The following DRC10 variants were observed in gnomAD, a reference collection of about 807,000 sequenced individuals.
The protein encoded by DRC10 is IQ domain-containing protein D.
chr12:113,207,876 G>C, the DRC10 span: 26 of 1,614,166 alleles, frequency 1.6e-5, no homozygotes, highest in Non-Finnish European at 2.2e-5. Flanking sequence ...GGACCTGGCA[G>C]AGATCCTCAT....
chr12:113,218,542 A>T, the DRC10 span, among the ~76,000 whole-genome samples: 9 of 152,104 alleles, frequency 5.9e-5, no homozygotes, highest in African/African-American at 2.2e-4. Context: ...CCCCAGGCTC[A>T]GGTGATCCTC....
chr12:113,217,904 C>A, the DRC10 span, among the ~76,000 whole-genome samples: 1 of 152,198 alleles, frequency 6.6e-6, no homozygotes, highest in South Asian at 2.1e-4. Flanking sequence ...TTGCATCTGA[C>A]TTTTTGCTTA....
At chr12:113,200,539 CAGGGG>C in the DRC10 span, 4 of 1,349,156 alleles carry the variant, frequency 3.0e-6, no homozygotes, top group Non-Finnish European at 4.1e-6. Context: ...TCCCCCCCAC[CAGGGG>C]CCCCCTCGGC....
the DRC10 span, chr12:113,202,913 C>T: frequency 1.4e-4 from 51 of 376,116 alleles, no homozygotes; most frequent in Admixed American, 1.7e-4. Context: ...AATCTGTACT[C>T]ATACACCATC....
the DRC10 span, chr12:113,200,592 C>A: frequency 6.5e-7 from 1 of 1,535,716 alleles, no homozygotes; most frequent in Non-Finnish European, 8.7e-7. Flanking sequence ...TCCTCAGCGC[C>A]TGCTCTGCCT....
At chr12:113,205,760 G>A in the DRC10 span, among the ~76,000 whole-genome samples, 4 of 151,072 alleles carry the variant, frequency 2.6e-5, no homozygotes, top group Admixed American at 6.6e-5. Flanking sequence ...GCGGTGGCGG[G>A]CGCCTGTAGT....
the DRC10 span, among the ~76,000 whole-genome samples, chr12:113,205,705 A>C: frequency 8.3e-4 from 110 of 133,208 alleles, no homozygotes; most frequent in East Asian, 2.5e-3. Context: ...CTGGCTAACA[A>C]GGTGAAACCC....
chr12:113,195,881 C>T, the DRC10 span: 2 of 1,605,706 alleles, frequency 1.2e-6, no homozygotes, highest in African/African-American at 1.3e-5. Context: ...CCAGATCCTC[C>T]AACTCCTCCT....
the DRC10 span, chr12:113,207,820 T>C: frequency 1.2e-6 from 2 of 1,614,208 alleles, no homozygotes; most frequent in Admixed American, 3.3e-5. Flanking sequence ...TTTCTGCTCC[T>C]GCAATTGCCT....
chr12:113,203,502 G>C, the DRC10 span, among the ~76,000 whole-genome samples: 1 of 139,476 alleles, frequency 7.2e-6, no homozygotes, highest in East Asian at 2.4e-4. Context: ...TTGAGACAGA[G>C]TCTCACTCTG....
chr12:113,220,127 A>T, the DRC10 span, among the ~76,000 whole-genome samples: 1 of 151,984 alleles, frequency 6.6e-6, no homozygotes, highest in Non-Finnish European at 1.5e-5. Context: ...CCCGGCCCTT[A>T]GCCTCATTTA....
the DRC10 span, among the ~76,000 whole-genome samples, chr12:113,214,507 CA>C: frequency 0.02 from 1,003 of 50,300 alleles, 3 homozygotes; most frequent in African/African-American, 0.052. Context: ...GACTCCGTCT[CA>C]AAAAAAAAAA....
the DRC10 span, chr12:113,208,359 A>T: frequency 7.1e-7 from 1 of 1,404,212 alleles, no homozygotes; most frequent in Non-Finnish European, 9.2e-7. Context: ...AGTTCATCTT[A>T]GGTCCTCTGT....
chr12:113,214,291 C>G, the DRC10 span, among the ~76,000 whole-genome samples: 8 of 151,770 alleles, frequency 5.3e-5, no homozygotes, highest in African/African-American at 7.3e-5. Flanking sequence ...GGTGGATCAC[C>G]TGAGGTCAGG....
At chr12:113,208,147 G>A in the DRC10 span, 2 of 1,613,510 alleles carry the variant, frequency 1.2e-6, no homozygotes, top group Non-Finnish European at 1.7e-6. Flanking sequence ...AGGGGCCATG[G>A]CGAGAATGTC....
chr12:113,206,230 A>G, the DRC10 span: 1 of 152,120 alleles, frequency 6.6e-6, no homozygotes, highest in Non-Finnish European at 1.5e-5. Context: ...AAAAAAAAAA[A>G]AAAAAAGAAA....
chr12:113,210,739 T>C, the DRC10 span, among the ~76,000 whole-genome samples: 14 of 146,102 alleles, frequency 9.6e-5, no homozygotes, highest in African/African-American at 3.5e-4. Context: ...TCTTCCCCCT[T>C]ATCCTGTTCG....
the DRC10 span, chr12:113,207,373 A>G: frequency 1.4e-6 from 2 of 1,383,648 alleles, no homozygotes; most frequent in African/African-American, 2.8e-5. Flanking sequence ...CATTGAGGAA[A>G]AACCCAACCA....
At chr12:113,197,718 C>T in the DRC10 span, 1 of 723,448 alleles carries the variant, frequency 1.4e-6, no homozygotes, top group Non-Finnish European at 2.4e-6. Flanking sequence ...ACATGCCTCG[C>T]CTATTGAACA....
Sources: allele counts gnomAD v4.1 joint callset (sites outside exome capture counted in the v4.1 genomes callset), GRCh38; gene constraint gnomAD v4.1.1; transcripts MANE v1.5; gene names NCBI Gene and HGNC (gene_info 2026-07-23, HGNC 2026-07-21).